ING5: variants seen among roughly 807,000 people sequenced by gnomAD.
The protein encoded by ING5 is inhibitor of growth family member 5.
In ING5, 17 loss-of-function variants were observed where a neutral mutation model predicts 37.4. The ratio of observed to expected loss-of-function variants is 0.45; its 90% CI spans 0.31 to 0.68. The LOEUF (loss-of-function observed/expected upper bound fraction) is 0.68, where lower values mean the gene tolerates loss of function less well. Among genes scored for constraint, ING5 ranks in the 30% least tolerant of loss-of-function variants. The pLI is 0.05. For missense variants in ING5, 233 were observed against 311.9 expected, an observed-to-expected ratio of 0.75 and a Z score of 1.91; for synonymous variants, 123 against 116.6, an observed-to-expected ratio of 1.06 and a Z score of -0.36.
intron 3 of ING5, among the ~76,000 whole-genome samples, chr2:241,710,784 T>C (rs1348993455): frequency 6.6e-6 from 1 of 152,110 alleles, no homozygotes; most frequent in East Asian, 1.9e-4. Flanking sequence ...GTGCCTGGCC[T>C]GTATTTTTAA....
chr2:241,698,540 G>GTGTGTGT (rs1553580064), upstream of ING5, among the ~76,000 whole-genome samples: 2 of 138,806 alleles, frequency 1.4e-5, no homozygotes, highest in African/African-American at 2.7e-5. Flanking sequence ...TGTGTGTGTG[G>GTGTGTGT]AGGAGTATAT....
chr2:241,699,033 T>A (rs1302944184), upstream of ING5, among the ~76,000 whole-genome samples: 2 of 134,100 alleles, frequency 1.5e-5, no homozygotes, highest in Admixed American at 1.5e-4. Context: ...AGCTGAATTT[T>A]TTTTTGGGGG....
chr2:241,698,912 GA>G (rs1012593322), upstream of ING5, among the ~76,000 whole-genome samples: 2 of 152,258 alleles, frequency 1.3e-5, no homozygotes, highest in Admixed American at 1.3e-4. Flanking sequence ...ATTTTTAATA[GA>G]GATGGGGTTT....
chr2:241,704,402 A>T (rs34493143), intron 1 of ING5, among the ~76,000 whole-genome samples: 19,899 of 151,994 alleles, frequency 0.13, 1,702 homozygotes, highest in East Asian at 0.42. Flanking sequence ...ACCCCGTCTC[A>T]ACTAAAAATA....
chr2:241,687,539 T>G (rs1488336507), exon 1 of ING5: 2 of 367,772 alleles, frequency 5.4e-6, no homozygotes, highest in African/African-American at 2.3e-5. Flanking sequence ...GTTGTTTTTG[T>G]TTGTTTGAGA....
rs1253768240 is a variant in ING5, at chr2:241,728,210, C to G, written c.*3179C>G. 2 of 152,498 alleles carry G rather than the reference C, an allele frequency of 1.3e-5. No homozygotes were observed. The highest frequency in any genetic ancestry group is 3.8e-4 in the East Asian group (2 of 5,204). 9.4% of individuals were successfully genotyped at this position (152,498 alleles called of 1,614,324 possible). On this transcript the variant is annotated 3_prime_UTR_variant, in exon 8 of 8. Transcript: ENST00000313552. Reference sequence around the variant, plus strand: ...CAGAAAAGAAGGTCATGGCCCCTGGCCTGGCCCCCGCCCTGCAGGGACACA... The same window carrying G: ...CAGAAAAGAAGGTCATGGCCCCTGGGCTGGCCCCCGCCCTGCAGGGACACA...
chr2:241,689,687 C>T (rs1022530060), intron 1 of ING5, among the ~76,000 whole-genome samples: 38 of 152,198 alleles, frequency 2.5e-4, no homozygotes, highest in African/African-American at 8.4e-4. Flanking sequence ...ACTGAGACTT[C>T]GGGATCCTTT....
chr2:241,718,518 G>A (rs983030935), intron 5 of ING5, among the ~76,000 whole-genome samples: 2 of 148,534 alleles, frequency 1.3e-5, no homozygotes, highest in African/African-American at 5.0e-5. Context: ...CCAAGTTCAA[G>A]CGATTCTCTG....
intron 2 of ING5, among the ~76,000 whole-genome samples, chr2:241,707,035 A>G (rs1213908650): frequency 2.7e-5 from 4 of 149,318 alleles, no homozygotes; most frequent in Non-Finnish European, 5.9e-5. Flanking sequence ...TCTTGGCTCA[A>G]CACAACCTCT....
chr2:241,719,309 C>T (rs1348713265), intron 5 of ING5, among the ~76,000 whole-genome samples: 2 of 152,228 alleles, frequency 1.3e-5, no homozygotes, highest in Non-Finnish European at 2.9e-5. Flanking sequence ...TCAGCGTGGC[C>T]CAGTGGCCAG....
intron 5 of ING5, among the ~76,000 whole-genome samples, chr2:241,718,464 T>C (rs1440821808): frequency 6.8e-6 from 1 of 146,256 alleles, no homozygotes; most frequent in Non-Finnish European, 1.5e-5. Context: ...TCACCCAGGC[T>C]GGAGTGCACT....
chr2:241,692,054 T>A (rs867036274), intron 2 of ING5, among the ~76,000 whole-genome samples: 6 of 151,842 alleles, frequency 4.0e-5, no homozygotes, highest in African/African-American at 1.5e-4. Context: ...TCTCAATTTT[T>A]AAAAAAATAT....
intron 1 of ING5, among the ~76,000 whole-genome samples, chr2:241,703,444 C>T (rs543460560): frequency 6.6e-6 from 1 of 152,180 alleles, no homozygotes; most frequent in Admixed American, 6.5e-5. Context: ...GACGCGAAAG[C>T]AGCACGGGGG....
chr2:241,722,889 C>T (rs1015796764), intron 5 of ING5, 50 bp from the exon 6 acceptor site: 4 of 1,607,754 alleles, frequency 2.5e-6, no homozygotes, highest in Non-Finnish European at 3.4e-6. Flanking sequence ...TCCGTGCCGC[C>T]TCACTTCCCA....
At chr2:241,716,675 A>C (rs1481237816) in intron 5 of ING5, among the ~76,000 whole-genome samples, 5 of 152,108 alleles carry the variant, frequency 3.3e-5, no homozygotes, top group Non-Finnish European at 5.9e-5. Flanking sequence ...ACACTATTTG[A>C]TGTTTAACGT....
chr2:241,716,282 T>C (rs866713144), intron 5 of ING5, among the ~76,000 whole-genome samples: 787 of 26,990 alleles, frequency 0.029, 7 homozygotes, highest in African/African-American at 0.22. Context: ...TTAGCCATGC[T>C]TTTTTTTTTT....
intron 1 of ING5, among the ~76,000 whole-genome samples, chr2:241,702,463 G>C (rs1457591377): frequency 6.6e-6 from 1 of 151,994 alleles, no homozygotes; most frequent in Non-Finnish European, 1.5e-5. Context: ...GCCCCGCCAG[G>C]TCCCGCCCGT....
rs1232262321 is a variant in ING5, at chr2:241,728,520, A to T, written c.*3489A>T. 6.6e-6 allele frequency: 1 copy of T among 152,666 alleles called. No individual in the cohort carries two copies. The highest frequency in any genetic ancestry group is 2.4e-5 in the African/African-American group (1 of 41,436). The allele number at this position is 152,666 out of a possible 1,614,324, so 9.5% of individuals were successfully genotyped here. ...TTCAGTGCTGCGGTATCAGTCAGTG[A>T]TCTGAGGAAATCCTGTAGGGGAAGG... On this transcript the variant is annotated 3_prime_UTR_variant, in exon 8 of 8. Transcript: ENST00000313552.
chr2:241,711,540 T>C (rs2070111867), intron 4 of ING5, 52 bp downstream of exon 4: 1 of 1,246,112 alleles, frequency 8.0e-7, no homozygotes. Flanking sequence ...CTATGGAGTT[T>C]TGAAGAGTTT....
Sources: allele counts gnomAD v4.1 joint callset (sites outside exome capture counted in the v4.1 genomes callset), GRCh38; gene constraint gnomAD v4.1.1; transcripts MANE v1.5; gene names NCBI Gene and HGNC (gene_info 2026-07-23, HGNC 2026-07-21).